METTL8: variants seen among roughly 807,000 people sequenced by gnomAD.
The protein encoded by METTL8 is methyltransferase 8, tRNA N3-cytidine, also known as tRNA N(3)-cytidine methyltransferase METTL8, mitochondrial.
In METTL8, 32 loss-of-function variants were observed where a neutral mutation model predicts 48.7. The observed-to-expected ratio is 0.66, with a 90% confidence interval of 0.50 to 0.88. METTL8 has a LOEUF of 0.88. Ranked by LOEUF, METTL8 falls within the 40% of genes least tolerant of loss-of-function variation. The probability of loss-of-function intolerance (pLI) is 0.00; values close to 1 mark genes in which losing one functional copy is unlikely to be tolerated. For missense variants in METTL8, 464 were observed against 474.4 expected (o/e 0.98, Z 0.20); for synonymous variants, 136 against 157.1 (o/e 0.87, Z 1.01).
intron 1 of METTL8, among the ~76,000 whole-genome samples, chr2:171,427,950 A>G (rs1692584652): frequency 6.6e-6 from 1 of 152,234 alleles, no homozygotes; most frequent in South Asian, 2.1e-4. Flanking sequence ...TAAATGTTCA[A>G]GTTTAATAAC....
intron 6 of METTL8, among the ~76,000 whole-genome samples, chr2:171,331,299 C>T (rs532567649): frequency 4.6e-5 from 7 of 151,922 alleles, no homozygotes; most frequent in Non-Finnish European, 8.8e-5. Context: ...TTAGTAGAGA[C>T]GGGGTTTCAC....
intron 2 of METTL8, among the ~76,000 whole-genome samples, chr2:171,367,265 A>C (rs1421104021): frequency 1.3e-5 from 2 of 152,188 alleles, no homozygotes; most frequent in African/African-American, 2.4e-5. Flanking sequence ...AAAGATAAAG[A>C]TAAATTTGAA....
intron 1 of METTL8, among the ~76,000 whole-genome samples, chr2:171,395,025 C>A (rs532275969): frequency 3.3e-5 from 5 of 152,294 alleles, no homozygotes; most frequent in African/African-American, 1.2e-4. Flanking sequence ...GTTTGCTGGT[C>A]ATGGTTCAAT....
At chr2:171,334,547 G>A (rs576676166) in intron 5 of METTL8, among the ~76,000 whole-genome samples, 40 of 152,156 alleles carry the variant, frequency 2.6e-4, no homozygotes, top group Admixed American at 2.6e-3. Context: ...TTCTGAAAAT[G>A]TAAAACATTA....
At chr2:171,407,412 G>GT (rs573935551) in intron 1 of METTL8, among the ~76,000 whole-genome samples, 3 of 149,762 alleles carry the variant, frequency 2.0e-5, no homozygotes, top group South Asian at 2.1e-4. Context: ...GGCCTTCTAA[G>GT]TTTTTTTTTT....
In METTL8 at chr2:171,339,356, T is replaced by C; in HGVS notation, c.434A>G (p.His145Arg). ...TSATNRFSRM[H>R]CPTVPDEKNH... ...TTTTTCATCAGGCACAGTAGGACAG[T>C]GCATTCTTGAGAAACGATTTGTAGC... Residue 145 changes from histidine to arginine, a missense_variant, in exon 4 of 10, where the codon CAC (histidine) becomes CGC (arginine). His to Arg is a conservative substitution (Grantham distance 29). Coordinates refer to ENST00000375258, the MANE Select transcript of METTL8 (RefSeq NM_001321154.2). The C allele has an allele frequency of 6.2e-7, 1 of 1,613,296 alleles. No homozygotes were observed. The highest frequency in any genetic ancestry group is 1.7e-5 in the Admixed American group (1 of 60,014).
intron 4 of METTL8, among the ~76,000 whole-genome samples, chr2:171,337,793 T>G (rs1242540020): frequency 6.9e-6 from 1 of 145,944 alleles, no homozygotes; most frequent in East Asian, 2.0e-4. Context: ...CAAGGCTCAT[T>G]AGGAAAAAAA....
intron 8 of METTL8, 41 bp from the exon 9 acceptor site, chr2:171,325,947 CT>C: frequency 2.1e-6 from 3 of 1,447,462 alleles, no homozygotes; most frequent in Non-Finnish European, 2.9e-6. Context: ...AAGGGTATTC[CT>C]TTAAAAAAAA....
At position 171,316,473 on chromosome 2, in the gene METTL8, A is replaced by C. The variant is rs1013274470; in HGVS notation, c.*7699T>G. On this transcript the variant is annotated 3_prime_UTR_variant, in exon 10 of 10. Coordinates refer to ENST00000375258, the MANE Select transcript of METTL8 (RefSeq NM_001321154.2). The stretch of plus-strand genomic sequence containing the variant: ...GTGAGTTAGGGAGAGAAAGCATGGA[A>C]GAAATGTGAGTAAAACAAGGAAGAT... Among the ~76,000 whole-genome samples, 9 of 152,242 alleles carry C rather than the reference A, an allele frequency of 5.9e-5. No individual in the cohort carries two copies. The highest frequency in any genetic ancestry group is 2.6e-4 in the Admixed American group (4 of 15,288).
chr2:171,351,164 T>G (rs575906270), intron 3 of METTL8, among the ~76,000 whole-genome samples: 66 of 152,380 alleles, frequency 4.3e-4, no homozygotes, highest in African/African-American at 1.6e-3. Flanking sequence ...AGGGATCCAG[T>G]TCCAGCTTTC....
intron 1 of METTL8, among the ~76,000 whole-genome samples, chr2:171,428,541 A>T (rs893768788): frequency 6.6e-6 from 1 of 152,218 alleles, no homozygotes; most frequent in African/African-American, 2.4e-5. Flanking sequence ...CTATACAAAC[A>T]TATTGTTTTT....
At chr2:171,426,260 C>G (rs1692407099) in intron 1 of METTL8, among the ~76,000 whole-genome samples, 2 of 151,932 alleles carry the variant, frequency 1.3e-5, no homozygotes, top group Non-Finnish European at 2.9e-5. Flanking sequence ...AAATACTACA[C>G]AGTAGTAAAC....
At chr2:171,357,455 C>T (rs530808834) in intron 3 of METTL8, among the ~76,000 whole-genome samples, 21 of 152,032 alleles carry the variant, frequency 1.4e-4, no homozygotes, top group African/African-American at 4.8e-4. Flanking sequence ...ATATAAGATA[C>T]CTAGAAATCA....
At chr2:171,372,146 T>A (rs1686426993) in intron 2 of METTL8, among the ~76,000 whole-genome samples, 2 of 152,140 alleles carry the variant, frequency 1.3e-5, no homozygotes. Context: ...TATCAGGCAC[T>A]GGGCCTGTGA....
intron 2 of METTL8, among the ~76,000 whole-genome samples, chr2:171,372,097 C>T (rs1385448078): frequency 6.6e-6 from 1 of 152,022 alleles, no homozygotes; most frequent in Non-Finnish European, 1.5e-5. Flanking sequence ...GAAACCAATA[C>T]CCACCTGCCT....
intron 2 of METTL8, among the ~76,000 whole-genome samples, chr2:171,382,528 G>A (rs1435465929): frequency 1.3e-5 from 2 of 152,172 alleles, no homozygotes; most frequent in East Asian, 1.9e-4. Context: ...CACAGGCAGG[G>A]GAACAACATA....
chr2:171,422,570 T>A (rs1287904875), intron 1 of METTL8, among the ~76,000 whole-genome samples: 3 of 152,156 alleles, frequency 2.0e-5, no homozygotes, highest in African/African-American at 7.2e-5. Flanking sequence ...CATATTATGA[T>A]GAAGAATTGT....
chr2:171,350,425 G>A (rs1007059937), intron 3 of METTL8, among the ~76,000 whole-genome samples: 1 of 152,120 alleles, frequency 6.6e-6, no homozygotes, highest in Non-Finnish European at 1.5e-5. Context: ...ATAAACATAC[G>A]TGTGCATGTG....
intron 2 of METTL8, among the ~76,000 whole-genome samples, chr2:171,386,398 C>T (rs992298700): frequency 2.6e-5 from 4 of 152,006 alleles, no homozygotes; most frequent in Non-Finnish European, 2.9e-5. Flanking sequence ...GAACTACATA[C>T]GTAGTTTTAA....
Sources: gnomAD v4.1 joint callset for allele counts (sites outside exome capture counted in the v4.1 genomes callset) on GRCh38, gnomAD v4.1.1 for gene constraint, MANE v1.5 for transcripts, NCBI Gene and HGNC (gene_info 2026-07-23, HGNC 2026-07-21) for gene names.